Variants in RCC1 observed in about 807,000 individuals in gnomAD.
The protein encoded by RCC1 is regulator of chromosome condensation.
RCC1 carries 11 observed loss-of-function variants against 44.4 expected under a neutral mutation model. That is an observed-to-expected ratio of 0.25 (90% CI 0.16 to 0.41). The LOEUF (loss-of-function observed/expected upper bound fraction) is 0.41. Among genes scored for constraint, RCC1 ranks in the 10% least tolerant of loss-of-function variants. The probability of loss-of-function intolerance (pLI) is 1.00; values close to 1 mark genes in which losing one functional copy is unlikely to be tolerated. For missense variants in RCC1, 386 were observed against 547.1 expected (o/e 0.71, Z 2.94); for synonymous variants, 213 against 216.5 (o/e 0.98, Z 0.14).
At chr1:28,516,906 G>A in intron 4 of RCC1, 39 bp downstream of exon 4, 2 of 455,090 alleles carry the variant, frequency 4.4e-6, no homozygotes, top group African/African-American at 2.0e-5. Context: ...TTTGTGGCAG[G>A]CTCTGCATAT....
At chr1:28,517,673 A>G (rs991546255) in intron 4 of RCC1, among the ~76,000 whole-genome samples, 2 of 151,994 alleles carry the variant, frequency 1.3e-5, no homozygotes, top group Non-Finnish European at 2.9e-5. Flanking sequence ...CCTTAGACAC[A>G]CAAGACCCTG....
chr1:28,524,652 G>A (rs939700928), intron 4 of RCC1, among the ~76,000 whole-genome samples: 2 of 152,144 alleles, frequency 1.3e-5, no homozygotes, highest in Admixed American at 6.6e-5. Context: ...GAGCCCAGGA[G>A]TTCGGGACCA....
At chr1:28,514,266 C>T (rs1217258949) in intron 3 of RCC1, among the ~76,000 whole-genome samples, 15 of 151,178 alleles carry the variant, frequency 9.9e-5, no homozygotes, top group South Asian at 2.1e-4. Context: ...TTGGCTAACA[C>T]GGTGAAACCC....
intron 3 of RCC1, 41 bp from the exon 4 acceptor site, chr1:28,516,684 A>T (rs1662913804): frequency 1.2e-5 from 4 of 321,558 alleles, no homozygotes. Flanking sequence ...CTTACAAAAT[A>T]GGCAATAATA....
rs1664562012 is a variant in RCC1 at position 28,536,437 on chromosome 1, C to T, written c.937+56C>T. The T allele has an allele frequency of 5.7e-6, 9 of 1,580,454 alleles. No individual in the cohort carries two copies. The highest frequency in any genetic ancestry group is 7.7e-6 in the Non-Finnish European group (9 of 1,167,336). On this transcript the variant is annotated intron_variant, in intron 11 of 12. Coordinates refer to ENST00000683442, the MANE Select transcript of RCC1 (RefSeq NM_001381865.2). This position sits in a 1 kb window ranked among gnomAD's most constrained non-coding sequence, Gnocchi z 4.9. ...GGGTGGAGTGTTCCCTGGCCTAGGC[C>T]TAGCCAGATTCCTGAGACCATGGTC...
At chr1:28,519,570 A>ATTT (rs771304636) in intron 4 of RCC1, among the ~76,000 whole-genome samples, 1 of 145,718 alleles carries the variant, frequency 6.9e-6, no homozygotes, top group African/African-American at 2.5e-5. Flanking sequence ...TGAGGATATA[A>ATTT]TTTTTTTTTT....
chr1:28,520,148 G>C (rs1279806542), intron 4 of RCC1, among the ~76,000 whole-genome samples: 3 of 152,132 alleles, frequency 2.0e-5, no homozygotes, highest in Admixed American at 6.6e-5. Context: ...TGTGTGCCTG[G>C]CATAACAGCA....
intron 4 of RCC1, among the ~76,000 whole-genome samples, chr1:28,525,263 A>G (rs930977082): frequency 4.6e-5 from 7 of 152,190 alleles, no homozygotes; most frequent in Non-Finnish European, 1.0e-4. Context: ...ATCTTTAACC[A>G]GACACAGGTC....
chr1:28,536,062 G>A lies in RCC1; in HGVS notation c.817+36G>A. 1.3e-6 allele frequency: 2 copies of A among 1,579,012 alleles called. No homozygotes were observed. Among genetic ancestry groups the A allele is most frequent in the South Asian group, 1.2e-5 (1 of 86,534 alleles). Reference sequence around the variant, plus strand: ...AGCCCAGCTTCAGGCATGACCCAGTGGCCTGCGTTCCTGTCCTGGCTCTGC... The same window carrying A: ...AGCCCAGCTTCAGGCATGACCCAGTAGCCTGCGTTCCTGTCCTGGCTCTGC... On this transcript the variant is annotated intron_variant, in intron 10 of 12. Transcript: ENST00000683442. The surrounding 1 kb of genome is among the most constrained non-coding windows in gnomAD (Gnocchi z 4.9).
Position 28,529,859 on chromosome 1 carries a change from A to G in RCC1, c.-8A>G. On this transcript the variant is annotated splice_region_variant and 5_prime_UTR_variant, in exon 5 of 13. Transcript: ENST00000683442. ...ATGTAGTATTTGACTGACTTTCAGG[A>G]CAGGAAGATGTCACCCAAGCGCATA... The G allele has an allele frequency of 1.2e-6, 2 of 1,613,740 alleles. No individual in the cohort carries two copies. The highest frequency in any genetic ancestry group is 1.1e-5 in the South Asian group (1 of 91,066).
Position 28,538,205 on chromosome 1 carries a change from A to C in RCC1, c.*198A>C. 2.1e-5 allele frequency: 9 copies of C among 424,496 alleles called. No homozygotes were observed. Among genetic ancestry groups the C allele is most frequent in the Non-Finnish European group, 3.4e-5 (8 of 236,258 alleles). The allele number at this position is 424,496 out of a possible 1,614,324, so 26.3% of individuals were successfully genotyped here. A position where few individuals can be genotyped will look rare whatever the true frequency, so the allele number is the denominator to read the frequency against. On this transcript the variant is annotated 3_prime_UTR_variant, in exon 13 of 13. Coordinates refer to ENST00000683442, the MANE Select transcript of RCC1 (RefSeq NM_001381865.2). ...GGAATTTTCCTGGGACCTACAGAATAAAGGGGGGGATGGACAGGGGGTTTT... is the reference window on the plus strand; with the variant it reads ...GGAATTTTCCTGGGACCTACAGAATCAAGGGGGGGATGGACAGGGGGTTTT...
chr1:28,506,251 C>T (rs1286751687), intron 1 of RCC1, 167 bp downstream of exon 1: 3 of 445,088 alleles, frequency 6.7e-6, no homozygotes, highest in Non-Finnish European at 1.3e-5. Flanking sequence ...GGCTGGACTG[C>T]AGTGCTCGTT....
At position 28,531,910 on chromosome 1, in the gene RCC1, G is replaced by T. The variant is rs1276692210; in HGVS notation, c.181G>T (p.Ala61Ser). 1 of 1,609,828 alleles carries T rather than the reference G, an allele frequency of 6.2e-7. No homozygotes were observed. Among genetic ancestry groups the T allele is most frequent in the South Asian group, 1.1e-5 (1 of 90,416 alleles). ...GENVMERKKP[A>S]LVSIPEDVVQ... The stretch of plus-strand genomic sequence containing the variant: ...GAATGTGATGGAGAGGAAGAAGCCG[G>T]CCCTGGTATCCATTCCGGAGGATGT... Residue 61 changes from alanine (A) to serine (S), a missense_variant, in exon 6 of 13, where the codon GCC (alanine) becomes TCC (serine). Transcript: ENST00000683442.
At chr1:28,525,305 T>C (rs1214237724) in intron 4 of RCC1, among the ~76,000 whole-genome samples, 1 of 152,204 alleles carries the variant, frequency 6.6e-6, no homozygotes, top group African/African-American at 2.4e-5. Context: ...GTGGATTTCA[T>C]TTCTGCCTTT....
chr1:28,509,117 AAAAGTCGACCTGTTTTGCAG>A, intron 3 of RCC1: 1 of 328,728 alleles, frequency 3.0e-6, no homozygotes, highest in East Asian at 8.0e-5. Flanking sequence ...TACCTCTTTT[AAAAGTCGACCTGTTTTGCAG>A]AAAGTCTGCT....
chr1:28,511,562 G>A (rs977579372), intron 3 of RCC1, among the ~76,000 whole-genome samples: 3 of 151,758 alleles, frequency 2.0e-5, no homozygotes, highest in Non-Finnish European at 4.4e-5. Flanking sequence ...GTAGAGAAGG[G>A]GTTTCACCAT....
chr1:28,509,386 C>T lies in RCC1; in HGVS notation c.-153+481C>T, dbSNP rs567915064. ...CCTCCCAAGTAGCTGCGACTACAGG[C>T]GTGTAGCACCACACCTGGCTAATTT... On this transcript the variant is annotated intron_variant, in intron 3 of 12. Coordinates refer to ENST00000683442, the MANE Select transcript of RCC1 (RefSeq NM_001381865.2). 590 of 164,466 alleles carry T rather than the reference C, an allele frequency of 3.6e-3. 3 individuals are homozygous for T. Among genetic ancestry groups the T allele is most frequent in the African/African-American group, 0.013 (538 of 41,094 alleles). 10.2% of individuals were successfully genotyped at this position (164,466 alleles called of 1,614,324 possible).
At chr1:28,519,070 ACCCT>A in intron 4 of RCC1, 1 of 152,218 alleles carries the variant, frequency 6.6e-6, no homozygotes, top group South Asian at 2.1e-4. Context: ...GGGATCCCCC[ACCCT>A]GCCCAGGAGG....
chr1:28,508,241 T>C (rs1188663917), intron 2 of RCC1, 81 bp downstream of exon 2: 1 of 393,434 alleles, frequency 2.5e-6, no homozygotes, highest in Non-Finnish European at 5.2e-6. Flanking sequence ...TGAAGAGACT[T>C]TTATTCTAGT....
Sources: allele counts gnomAD v4.1 joint callset (sites outside exome capture counted in the v4.1 genomes callset), GRCh38; gene constraint gnomAD v4.1.1; non-coding constraint Gnocchi (gnomAD v3.1); transcripts MANE v1.5; gene names NCBI Gene and HGNC (gene_info 2026-07-23, HGNC 2026-07-21).